CDH4: variants seen among roughly 807,000 people sequenced by gnomAD.
CDH4 encodes cadherin 4.
A neutral mutation model predicts 86.0 loss-of-function variants in CDH4; 33 were observed. The ratio of observed to expected loss-of-function variants is 0.38; its 90% CI spans 0.29 to 0.51. The LOEUF is 0.51. CDH4 is among the 20% of genes least tolerant of loss of function. The pLI is 0.86. For synonymous variants in CDH4, 555 were observed against 549.4 expected (o/e 1.01, Z -0.14); for missense variants, 1,114 against 1,307.4 (o/e 0.85, Z 2.28).
chr20:61,895,908 G>T (rs192820690), intron 8 of CDH4, among the ~76,000 whole-genome samples: 1 of 152,160 alleles, frequency 6.6e-6, no homozygotes, highest in Non-Finnish European at 1.5e-5. Flanking sequence ...GCCCAGCCCC[G>T]GGAGCCCCTC....
chr20:61,275,537 G>A (rs1236187789), intron 2 of CDH4, among the ~76,000 whole-genome samples: 31 of 131,754 alleles, frequency 2.4e-4, no homozygotes, highest in African/African-American at 8.8e-4. Context: ...CACAGTTTGG[G>A]GGAGTACCCT....
intron 2 of CDH4, among the ~76,000 whole-genome samples, chr20:61,387,789 G>T (rs2084960266): frequency 1.3e-5 from 2 of 152,132 alleles, no homozygotes; most frequent in South Asian, 4.1e-4. Flanking sequence ...TCCGCAGTGA[G>T]AGCACCAGAC....
intron 11 of CDH4, among the ~76,000 whole-genome samples, chr20:61,926,415 C>T (rs80062156): frequency 7.8e-4 from 119 of 152,332 alleles, no homozygotes; most frequent in African/African-American, 2.8e-3. Flanking sequence ...CCCTGCCAGC[C>T]TCCCCCAGCC....
intron 4 of CDH4, among the ~76,000 whole-genome samples, chr20:61,805,600 C>T (rs1980080923): frequency 6.6e-6 from 1 of 152,236 alleles, no homozygotes; most frequent in African/African-American, 2.4e-5. Flanking sequence ...GTCTCGGACC[C>T]ACCCCAGGTC....
intron 2 of CDH4, among the ~76,000 whole-genome samples, chr20:61,617,250 G>T (rs2086732613): frequency 6.6e-6 from 1 of 152,150 alleles, no homozygotes; most frequent in African/African-American, 2.4e-5. Context: ...CCTCTTAGAA[G>T]CTAAGCCCCA....
At chr20:61,596,003 G>T (rs971402313) in intron 2 of CDH4, among the ~76,000 whole-genome samples, 1 of 152,240 alleles carries the variant, frequency 6.6e-6, no homozygotes, top group Admixed American at 6.5e-5. Flanking sequence ...TGGGCAGCTG[G>T]AATGTGCAAG....
intron 2 of CDH4, among the ~76,000 whole-genome samples, chr20:61,355,049 C>A (rs1464738882): frequency 1.3e-5 from 2 of 152,118 alleles, no homozygotes; most frequent in Non-Finnish European, 2.9e-5. Context: ...TGGCTTCACA[C>A]TCAGCACATC....
chr20:61,728,283 G>A (rs755337402), intron 2 of CDH4, among the ~76,000 whole-genome samples: 1 of 152,200 alleles, frequency 6.6e-6, no homozygotes, highest in Non-Finnish European at 1.5e-5. Flanking sequence ...TTGCATCCAG[G>A]AAGCTCTTCA....
At chr20:61,816,224 C>T (rs774094535) in intron 4 of CDH4, among the ~76,000 whole-genome samples, 2 of 152,194 alleles carry the variant, frequency 1.3e-5, no homozygotes, top group Non-Finnish European at 2.9e-5. Flanking sequence ...TCTTTGCTTT[C>T]ATCATCATTT....
chr20:61,282,871 T>G (rs1489498991), intron 2 of CDH4, among the ~76,000 whole-genome samples: 2 of 152,122 alleles, frequency 1.3e-5, no homozygotes, highest in Non-Finnish European at 2.9e-5. Context: ...TGCTGTGGTG[T>G]GTGTGATGTA....
At chr20:61,852,628 C>T (rs1484453221) in intron 5 of CDH4, 126 bp from the exon 6 acceptor site, 9 of 903,568 alleles carry the variant, frequency 1.0e-5, no homozygotes, top group Non-Finnish European at 1.3e-5. Flanking sequence ...TCCAAAGCCC[C>T]CCGGCCCCTA....
intron 5 of CDH4, among the ~76,000 whole-genome samples, chr20:61,846,376 T>C (rs1393399831): frequency 6.6e-6 from 1 of 152,204 alleles, no homozygotes; most frequent in Admixed American, 6.5e-5. Flanking sequence ...GCCCTCAGCA[T>C]GGCTGCTGGC....
chr20:61,464,862 T>G (rs2085464174), intron 2 of CDH4, among the ~76,000 whole-genome samples: 1 of 152,192 alleles, frequency 6.6e-6, no homozygotes, highest in African/African-American at 2.4e-5. Context: ...TAATTTTCAC[T>G]GAGAACAAAG....
At chr20:61,896,546 A>G (rs1468323678) in intron 8 of CDH4, among the ~76,000 whole-genome samples, 1 of 152,218 alleles carries the variant, frequency 6.6e-6, no homozygotes, top group Admixed American at 6.5e-5. Context: ...GGCTCCTGGC[A>G]GTGAGTCCAG....
chr20:61,311,002 A>G (rs2084442456), intron 2 of CDH4, among the ~76,000 whole-genome samples: 2 of 152,102 alleles, frequency 1.3e-5, no homozygotes, highest in Non-Finnish European at 2.9e-5. Context: ...GTCAGCCCTA[A>G]CGCTTCCCAA....
rs1299755860 is a variant in CDH4 at position 61,703,523 on chromosome 20, G to A, written c.170-40040G>A. Among the ~76,000 whole-genome samples the A allele has an allele frequency of 2.6e-5, 4 of 152,202 alleles. No homozygotes were observed. The highest frequency in any genetic ancestry group is 6.5e-5 in the Admixed American group (1 of 15,280). On this transcript the variant is annotated intron_variant, in intron 2 of 15. Transcript: ENST00000614565. The surrounding 1 kb of genome is among the most constrained non-coding windows in gnomAD (Gnocchi z 4.3). ...TTTGTCCCCACCAACAAATTAGTGG[G>A]GAAGGAAGGAGTGAGGTCAGGTGTG...
At chr20:61,790,604 A>G (rs895945909) in intron 4 of CDH4, among the ~76,000 whole-genome samples, 9 of 139,808 alleles carry the variant, frequency 6.4e-5, no homozygotes, top group Non-Finnish European at 1.2e-4. Flanking sequence ...CCATCCACCC[A>G]CCATCCACCC....
At chr20:61,696,958 G>A (rs965251076) in intron 2 of CDH4, among the ~76,000 whole-genome samples, 8 of 152,172 alleles carry the variant, frequency 5.3e-5, no homozygotes, top group African/African-American at 1.4e-4. Context: ...GACAGAGGCC[G>A]AGACTGGACT....
intron 2 of CDH4, among the ~76,000 whole-genome samples, chr20:61,376,017 A>AGTGTGGTTTGTTGATGGTAGTGTGATGGT (rs1568819345): frequency 8.5e-4 from 3 of 3,510 alleles, no homozygotes; most frequent in South Asian, 7.2e-3. Flanking sequence ...TGGTGGTGAT[A>AGTGTGGTTTGTTGATGGTAGTGTGATGGT]CTGTGGTTTG....
Sources: allele counts gnomAD v4.1 joint callset (sites outside exome capture counted in the v4.1 genomes callset), GRCh38; gene constraint gnomAD v4.1.1; non-coding constraint Gnocchi (gnomAD v3.1); transcripts MANE v1.5; gene names NCBI Gene and HGNC (gene_info 2026-07-23, HGNC 2026-07-21).